The following RTN4RL2 variants were observed in gnomAD, a reference collection of about 807,000 sequenced individuals.
RTN4RL2 encodes reticulon-4 receptor-like 2.
In RTN4RL2, 9 loss-of-function variants were observed where a neutral mutation model predicts 27.8. The ratio of observed to expected loss-of-function variants is 0.32; its 90% CI spans 0.20 to 0.57. The LOEUF is 0.57. Ranked by LOEUF, RTN4RL2 falls within the 20% of genes least tolerant of loss-of-function variation. The pLI, the probability that RTN4RL2 is intolerant of heterozygous loss-of-function variation, is 0.90. For synonymous variants in RTN4RL2, 285 were observed against 297.9 expected, an observed-to-expected ratio of 0.96 and a Z score of 0.45; for missense variants, 436 against 596.8, an observed-to-expected ratio of 0.73 and a Z score of 2.81.
intron 1 of RTN4RL2, among the ~76,000 whole-genome samples, chr11:57,464,201 T>C (rs117815839): frequency 0.026 from 3,953 of 151,758 alleles, 78 homozygotes; most frequent in Middle Eastern, 0.051. Context: ...AGAAGAGAAG[T>C]AGTCTAATGT....
In RTN4RL2 at chr11:57,460,847, C is replaced by A; in HGVS notation, c.-19C>A. On this transcript the variant is annotated 5_prime_UTR_variant, in exon 1 of 3. Coordinates refer to ENST00000335099, the MANE Select transcript of RTN4RL2 (RefSeq NM_178570.3). ...AGCGCCCTCCCCCCGCTGCCCCCTC[C>A]CCCGAGCATCGAGACAAGATGCTGC... is the stretch of plus-strand genomic sequence containing the variant. The A allele has an allele frequency of 7.1e-7, 1 of 1,402,196 alleles. No individual in the cohort carries two copies. Among genetic ancestry groups the A allele is most frequent in the Non-Finnish European group, 9.4e-7 (1 of 1,064,274 alleles). The allele number at this position is 1,402,196 out of a possible 1,614,324, so 86.9% of individuals were successfully genotyped here.
chr11:57,462,482 C>T (rs1340230050), intron 1 of RTN4RL2, among the ~76,000 whole-genome samples: 1 of 152,196 alleles, frequency 6.6e-6, no homozygotes, highest in Non-Finnish European at 1.5e-5. Context: ...CCTCTGCTGC[C>T]TTTCCAGGGA....
chr11:57,469,002 C>T (rs1372210772), intron 2 of RTN4RL2: 27 of 637,002 alleles, frequency 4.2e-5, no homozygotes, highest in Non-Finnish European at 5.6e-5. Flanking sequence ...ACAGAGCCTC[C>T]GGCTGGAAGG....
chr11:57,470,510 G>C (rs1225026490), intron 2 of RTN4RL2, among the ~76,000 whole-genome samples: 1 of 152,128 alleles, frequency 6.6e-6, no homozygotes, highest in Non-Finnish European at 1.5e-5. Context: ...GCCTCCCAAA[G>C]TGCTGGGATT....
rs924566920 is a variant in RTN4RL2 at position 57,460,666 on chromosome 11, G to C, written c.-200G>C. ...TCCCCGCCCCGTCGCGCCCCGCCCC[G>C]TCCCGTCGGGGCCGATGGCTCCTCC... On this transcript the variant is annotated 5_prime_UTR_variant, in exon 1 of 3. Transcript: ENST00000335099. 8 of 251,574 alleles carry C rather than the reference G, an allele frequency of 3.2e-5. No individual in the cohort carries two copies. The East Asian group carries it at 6.0e-4, about 19-fold the overall frequency. The allele number at this position is 251,574 out of a possible 1,614,324, so 15.6% of individuals were successfully genotyped here.
chr11:57,466,246 C>T lies in RTN4RL2; in HGVS notation c.32-1363C>T, dbSNP rs556532972. Among the ~76,000 whole-genome samples, 15 of 152,036 alleles carry T rather than the reference C, an allele frequency of 9.9e-5. No individual in the cohort carries two copies. In the South Asian group the frequency reaches 1.5e-3, roughly 15 times the overall value. ...GGTCTCGATCTCCTGACCTCGTGAT[C>T]CACCCGCCTCAGACTCCCAAAGTGC... is the stretch of plus-strand genomic sequence containing the variant. On this transcript the variant is annotated intron_variant, in intron 1 of 2. Transcript: ENST00000335099.
intron 1 of RTN4RL2, among the ~76,000 whole-genome samples, chr11:57,464,852 G>A (rs1358818417): frequency 1.3e-5 from 2 of 152,188 alleles, no homozygotes; most frequent in Admixed American, 6.5e-5. Context: ...GTGGGTCTAA[G>A]AAACTCGGGA....
At chr11:57,468,173 G>A (rs536937863) in intron 2 of RTN4RL2, 83 bp downstream of exon 2, 45 of 1,428,828 alleles carry the variant, frequency 3.1e-5, no homozygotes, top group African/African-American at 1.7e-4. Context: ...CCTGGCGTGC[G>A]TCCCTCCTCT....
intron 1 of RTN4RL2, among the ~76,000 whole-genome samples, chr11:57,462,319 C>G (rs775991969): frequency 1.3e-5 from 2 of 152,164 alleles, no homozygotes; most frequent in Non-Finnish European, 2.9e-5. Flanking sequence ...GGCATCACCA[C>G]CACCTCCATC....
chr11:57,468,510 C>G, intron 2 of RTN4RL2: 1 of 1,483,470 alleles, frequency 6.7e-7, no homozygotes. Context: ...GTGTATCTGT[C>G]TCTTTCTGTG....
Position 57,476,187 on chromosome 11 carries a change from A to T in RTN4RL2, c.539A>T (p.Asn180Ile). 6.2e-7 allele frequency: 1 copy of T among 1,609,158 alleles called. No homozygotes were observed. The highest frequency in any genetic ancestry group is 8.5e-7 in the Non-Finnish European group (1 of 1,177,538). The change falls in exon 3 of 3, where the codon AAC becomes ATC. Residue 180 changes from asparagine (N) to isoleucine (I), a missense_variant. Around this residue, in one of 3 missense-constraint regions of RTN4RL2, gnomAD observed 365 missense variants for 530.5 expected, o/e 0.69. Transcript: ENST00000335099. The surrounding 1 kb of genome is among the most constrained non-coding windows in gnomAD (Gnocchi z 8.2). ...LQDDLFADLA[N>I]LSHLFLHGNR... Reference sequence around the variant, plus strand: ...GATGACTTGTTCGCGGACCTGGCCAACCTGAGCCACCTCTTCCTCCACGGG... The same window carrying T: ...GATGACTTGTTCGCGGACCTGGCCATCCTGAGCCACCTCTTCCTCCACGGG...
In RTN4RL2 at chr11:57,476,329, C is replaced by T; in HGVS notation, c.681C>T (p.Ser227=). 6.2e-7 allele frequency: 1 copy of T among 1,611,220 alleles called. No individual in the cohort carries two copies. The change falls in exon 3 of 3, where the codon AGC becomes AGT. Residue 227 remains serine (S), a synonymous_variant. Transcript: ENST00000335099. The surrounding 1 kb of genome is among the most constrained non-coding windows in gnomAD (Gnocchi z 8.2). ...GVHRAAFRGL[S]RLTILYLFNN... ...ACCGCGCGGCCTTCCGCGGCCTCAG[C>T]CGCCTCACCATCCTCTACCTGTTCA...
intron 2 of RTN4RL2, 136 bp downstream of exon 2, chr11:57,468,226 C>A: frequency 1.1e-6 from 1 of 936,780 alleles, no homozygotes; most frequent in Non-Finnish European, 1.6e-6. Context: ...CCATTTCTCT[C>A]TGTCTATGTC....
At chr11:57,468,536 C>T (rs1039992539) in intron 2 of RTN4RL2, 1 of 1,534,900 alleles carries the variant, frequency 6.5e-7, no homozygotes, top group East Asian at 2.4e-5. Context: ...ACGTGTTTGC[C>T]TTCAGGGCAC....
At chr11:57,462,714 A>G (rs1163923349) in intron 1 of RTN4RL2, among the ~76,000 whole-genome samples, 1 of 152,218 alleles carries the variant, frequency 6.6e-6, no homozygotes, top group Non-Finnish European at 1.5e-5. Flanking sequence ...CTCAGTGAAC[A>G]GATACTTTTG....
intron 1 of RTN4RL2, among the ~76,000 whole-genome samples, chr11:57,465,269 C>T (rs1000508752): frequency 1.2e-4 from 18 of 152,244 alleles, no homozygotes; most frequent in African/African-American, 2.7e-4. Flanking sequence ...ACCTGGCTCA[C>T]GCCACTACCC....
chr11:57,473,384 A>G (rs1943575524), intron 2 of RTN4RL2, among the ~76,000 whole-genome samples: 1 of 152,152 alleles, frequency 6.6e-6, no homozygotes, highest in South Asian at 2.1e-4. Context: ...GTCAGAGCCA[A>G]GAGCTGGGAG....
chr11:57,476,926 T>C lies in RTN4RL2; in HGVS notation c.*15T>C, dbSNP rs368468206. On this transcript the variant is annotated 3_prime_UTR_variant, in exon 3 of 3. Transcript: ENST00000335099. This position sits in a 1 kb window ranked among gnomAD's most constrained non-coding sequence, Gnocchi z 8.2. Reference sequence around the variant, plus strand: ...ACCACCTCTGACTGCGGTGCTGAGATCGAAGAGGCCAGTGTCCGATCCCCG... The same window carrying C: ...ACCACCTCTGACTGCGGTGCTGAGACCGAAGAGGCCAGTGTCCGATCCCCG... 1.2e-5 allele frequency: 19 copies of C among 1,551,600 alleles called. No individual in the cohort carries two copies. The highest frequency in any genetic ancestry group is 1.6e-5 in the Non-Finnish European group (18 of 1,158,180).
At chr11:57,464,308 G>C (rs925286381) in intron 1 of RTN4RL2, among the ~76,000 whole-genome samples, 2 of 152,240 alleles carry the variant, frequency 1.3e-5, no homozygotes, top group Non-Finnish European at 2.9e-5. Flanking sequence ...AAGGAACCCT[G>C]ATGCCAGGGG....
Sources: gnomAD v4.1 joint callset for allele counts (sites outside exome capture counted in the v4.1 genomes callset) on GRCh38, gnomAD v4.1.1 for gene constraint, gnomAD v4.1.1 regional missense constraint, Gnocchi (gnomAD v3.1) non-coding constraint, MANE v1.5 for transcripts, NCBI Gene and HGNC (gene_info 2026-07-23, HGNC 2026-07-21) for gene names.